RGS6: variants seen among roughly 807,000 people sequenced by gnomAD.
The protein encoded by RGS6 is regulator of G protein signaling 6.
In RGS6, 30 loss-of-function variants were observed where a neutral mutation model predicts 78.5. The observed-to-expected ratio is 0.38, with a 90% CI of 0.29 to 0.52. The LOEUF (loss-of-function observed/expected upper bound fraction) is 0.52. Among genes scored for constraint, RGS6 ranks in the 20% least tolerant of loss-of-function variants. The pLI, the probability that RGS6 is intolerant of heterozygous loss-of-function variation, is 0.85. For missense variants in RGS6, 495 were observed against 609.7 expected (o/e 0.81, Z 1.98); for synonymous variants, 206 against 206.0 (o/e 1.00, Z 0.00).
At chr14:72,365,733 TAATA>T (rs1230084643) in intron 3 of RGS6, among the ~76,000 whole-genome samples, 4 of 152,124 alleles carry the variant, frequency 2.6e-5, no homozygotes, top group Admixed American at 6.5e-5. Flanking sequence ...TCTTTATTAA[TAATA>T]AATATCTAAT....
chr14:72,014,747 C>T (rs769763418), intron 2 of RGS6, among the ~76,000 whole-genome samples: 1 of 152,104 alleles, frequency 6.6e-6, no homozygotes, highest in Non-Finnish European at 1.5e-5. Flanking sequence ...TGTTTGTTTG[C>T]GTGTGTTCTT....
At chr14:71,917,495 G>A in the RGS6 span, among the ~76,000 whole-genome samples, 27 of 152,194 alleles carry the variant, frequency 1.8e-4, no homozygotes, top group Non-Finnish European at 3.7e-4. Flanking sequence ...TCAAGCAACA[G>A]GAGGTTTGGG....
intron 17 of RGS6, chr14:72,553,372 G>A (rs907777785): frequency 2.6e-5 from 4 of 152,598 alleles, no homozygotes; most frequent in Non-Finnish European, 2.9e-5. Context: ...TGATCCCGGC[G>A]TTCGCACACT....
the RGS6 span, among the ~76,000 whole-genome samples, chr14:72,589,224 G>A: frequency 6.6e-6 from 1 of 152,128 alleles, no homozygotes. Context: ...GGAAAGTGAG[G>A]TTCTCACCTG....
At chr14:71,980,044 T>C (rs1379478211) in intron 2 of RGS6, among the ~76,000 whole-genome samples, 2 of 139,802 alleles carry the variant, frequency 1.4e-5, no homozygotes, top group African/African-American at 5.4e-5. Context: ...TTGATCTTTG[T>C]TGGTTTAAAG....
intron 2 of RGS6, among the ~76,000 whole-genome samples, chr14:71,982,294 G>A (rs896971414): frequency 4.6e-5 from 7 of 152,160 alleles, no homozygotes; most frequent in African/African-American, 1.7e-4. Flanking sequence ...TTCCTATTTG[G>A]CCATCTTGGC....
At chr14:72,595,971 C>T in the RGS6 span, among the ~76,000 whole-genome samples, 106 of 152,282 alleles carry the variant, frequency 7.0e-4, no homozygotes, top group African/African-American at 2.6e-3. Flanking sequence ...GTGAGGAGCA[C>T]TTGAAGGAAC....
At chr14:72,304,910 T>G (rs2152427450) in intron 2 of RGS6, among the ~76,000 whole-genome samples, 1 of 151,972 alleles carries the variant, frequency 6.6e-6, no homozygotes, top group South Asian at 2.1e-4. Flanking sequence ...TAATAAACAT[T>G]GCCAATTGCT....
intron 2 of RGS6, among the ~76,000 whole-genome samples, chr14:71,997,813 A>G (rs1205535635): frequency 6.6e-6 from 1 of 152,238 alleles, no homozygotes; most frequent in Non-Finnish European, 1.5e-5. Flanking sequence ...CAGGAACTCA[A>G]CTAGATCTTT....
At position 72,244,733 on chromosome 14, in the gene RGS6, G is replaced by A. The variant is rs556639186; in HGVS notation, c.85-107362G>A. 5.3e-5 allele frequency among the ~76,000 whole-genome samples: 8 copies of A among 152,298 alleles called. No homozygotes were observed. In the East Asian group the frequency reaches 9.6e-4, roughly 18 times the overall value. On this transcript the variant is annotated intron_variant, in intron 2 of 17. Transcript: ENST00000553525. ...CCATTCCCAGGTCTTTGATGGGGAC[G>A]AAGCTAAGACCATGTATGCCATTGG...
At chr14:72,367,827 C>G (rs2082718344) in intron 3 of RGS6, among the ~76,000 whole-genome samples, 2 of 152,194 alleles carry the variant, frequency 1.3e-5, no homozygotes, top group South Asian at 4.1e-4. Flanking sequence ...GAGCTAGTCA[C>G]CAACCTCTTT....
At chr14:72,272,053 T>G (rs980478953) in intron 2 of RGS6, among the ~76,000 whole-genome samples, 1 of 152,198 alleles carries the variant, frequency 6.6e-6, no homozygotes, top group Non-Finnish European at 1.5e-5. Flanking sequence ...TAAGCAATCT[T>G]AATTCCCTTT....
At chr14:72,469,942 C>T (rs2096027553) in intron 7 of RGS6, 65 bp from the exon 8 acceptor site, 1 of 1,146,326 alleles carries the variant, frequency 8.7e-7, no homozygotes, top group Non-Finnish European at 1.3e-6. Context: ...TTATAATAAG[C>T]ATAGGTGTCG....
At chr14:72,278,205 G>T (rs1409695032) in intron 2 of RGS6, among the ~76,000 whole-genome samples, 2 of 152,190 alleles carry the variant, frequency 1.3e-5, no homozygotes, top group African/African-American at 2.4e-5. Flanking sequence ...ATGAATCTCT[G>T]AGCATCCTTC....
At chr14:72,340,057 G>T (rs991313477) in intron 2 of RGS6, among the ~76,000 whole-genome samples, 1 of 152,146 alleles carries the variant, frequency 6.6e-6, no homozygotes, top group Non-Finnish European at 1.5e-5. Flanking sequence ...TGCCTTTCCA[G>T]TTTCCCAGCA....
intron 2 of RGS6, among the ~76,000 whole-genome samples, chr14:72,109,899 A>AT (rs1331038086): frequency 1.3e-5 from 2 of 152,206 alleles, no homozygotes; most frequent in Non-Finnish European, 2.9e-5. Context: ...TACTTTGAGA[A>AT]TTAGACCACA....
intron 15 of RGS6, among the ~76,000 whole-genome samples, chr14:72,520,901 A>G (rs2097028478): frequency 6.6e-6 from 1 of 152,208 alleles, no homozygotes; most frequent in African/African-American, 2.4e-5. Context: ...ATAGCAGGGA[A>G]GCTAAGATAT....
chr14:72,579,484 G>A, the RGS6 span, among the ~76,000 whole-genome samples: 1 of 152,216 alleles, frequency 6.6e-6, no homozygotes, highest in African/African-American at 2.4e-5. Flanking sequence ...GAACAGGAAG[G>A]GGAGGAAATG....
At chr14:72,463,907 T>C (rs566538660) in intron 6 of RGS6, among the ~76,000 whole-genome samples, 1 of 152,282 alleles carries the variant, frequency 6.6e-6, no homozygotes, top group African/African-American at 2.4e-5. Context: ...AGTTGGTAAG[T>C]AGAAAATCAT....
Sources: gnomAD v4.1 joint callset for allele counts (sites outside exome capture counted in the v4.1 genomes callset) on GRCh38, gnomAD v4.1.1 for gene constraint, MANE v1.5 for transcripts, NCBI Gene and HGNC (gene_info 2026-07-23, HGNC 2026-07-21) for gene names.